LRPPRC: variants seen among roughly 807,000 people sequenced by gnomAD.
LRPPRC encodes the protein leucine-rich PPR motif-containing protein, mitochondrial.
A neutral mutation model predicts 180.3 loss-of-function variants in LRPPRC; 120 were observed. That is an observed-to-expected ratio of 0.67 (90% confidence interval 0.57 to 0.77). The LOEUF is 0.77. Among genes scored for constraint, LRPPRC ranks in the 30% least tolerant of loss-of-function variants. The pLI, the probability that LRPPRC is intolerant of heterozygous loss-of-function variation, is 0.00. For synonymous variants in LRPPRC, 723 were observed against 600.0 expected (o/e 1.21, Z -3.00); for missense variants, 2,012 against 1,657.2 (o/e 1.21, Z -3.72).
At chr2:43,965,712 G>A (rs1474585553) in intron 11 of LRPPRC, among the ~76,000 whole-genome samples, 1 of 152,096 alleles carries the variant, frequency 6.6e-6, no homozygotes, top group African/African-American at 2.4e-5. Flanking sequence ...CAAAGGATCT[G>A]AATACACATT....
chr2:43,911,149 G>GATAT (rs34332260), intron 30 of LRPPRC, among the ~76,000 whole-genome samples: 192 of 146,308 alleles, frequency 1.3e-3, no homozygotes, highest in Admixed American at 2.7e-3. Context: ...GAGTGTTCTA[G>GATAT]ATATATATAT....
chr2:43,937,059 T>C (rs1383623682), intron 23 of LRPPRC, among the ~76,000 whole-genome samples: 2 of 152,144 alleles, frequency 1.3e-5, no homozygotes, highest in Non-Finnish European at 2.9e-5. Context: ...CAAACTAGAA[T>C]AGTATTGTCT....
At chr2:43,994,502 T>C (rs1199652637) in intron 1 of LRPPRC, among the ~76,000 whole-genome samples, 3 of 152,156 alleles carry the variant, frequency 2.0e-5, no homozygotes, top group African/African-American at 4.8e-5. Flanking sequence ...TCCCACCTTA[T>C]AGCTAAGGAA....
chr2:43,889,314 C>CAAAAAAA (rs780032604), intron 37 of LRPPRC, among the ~76,000 whole-genome samples: 19 of 38,328 alleles, frequency 5.0e-4, no homozygotes, highest in South Asian at 1.3e-3. Flanking sequence ...GACTCCATCT[C>CAAAAAAA]AAAAAAAAAA....
chr2:43,894,828 T>C (rs1467794114), intron 35 of LRPPRC, among the ~76,000 whole-genome samples, 199 bp from the exon 36 acceptor site: 1 of 152,218 alleles, frequency 6.6e-6, no homozygotes, highest in East Asian at 1.9e-4. Flanking sequence ...CCAGCATTTT[T>C]CCACAGGTTA....
chr2:43,888,500 TAAAGAA>T lies in LRPPRC; in HGVS notation c.*94_*99del, dbSNP rs1670351131. 2.6e-6 allele frequency: 2 copies of T among 768,614 alleles called. No homozygotes were observed. Among genetic ancestry groups the T allele is most frequent in the African/African-American group, 3.4e-5 (2 of 58,350 alleles). The allele number at this position is 768,614 out of a possible 1,614,324, so 47.6% of individuals were successfully genotyped here. A position where few individuals can be genotyped will look rare whatever the true frequency, so the allele number is the denominator to read the frequency against. ...CATGCATCACACATACATAAGTACA[TAAAGAA>T]AATTTTCATTTATTTTTCCCTCAGA... On this transcript the variant is annotated 3_prime_UTR_variant, in exon 38 of 38. Transcript: ENST00000260665.
At chr2:43,890,378 C>G (rs1213616862) in intron 36 of LRPPRC, 3 of 468,820 alleles carry the variant, frequency 6.4e-6, no homozygotes, top group East Asian at 6.9e-5. Flanking sequence ...GTAAAATAAA[C>G]AAATATGGAA....
At chr2:43,939,184 G>C (rs1279740776) in intron 23 of LRPPRC, among the ~76,000 whole-genome samples, 1 of 151,934 alleles carries the variant, frequency 6.6e-6, no homozygotes, top group Non-Finnish European at 1.5e-5. Context: ...GGGAGGCTGA[G>C]GCAGGAGAAT....
chr2:43,893,571 T>C (rs181119202), intron 36 of LRPPRC, among the ~76,000 whole-genome samples: 55 of 152,354 alleles, frequency 3.6e-4, no homozygotes, highest in Non-Finnish European at 2.9e-5. Flanking sequence ...AGGTATGTAC[T>C]TTTTAAAAAC....
chr2:43,987,061 T>C (rs1320730037), intron 1 of LRPPRC, among the ~76,000 whole-genome samples: 2 of 152,212 alleles, frequency 1.3e-5, no homozygotes. Context: ...TCACGTGGAT[T>C]GATTTTCAAA....
intron 5 of LRPPRC, among the ~76,000 whole-genome samples, 167 bp downstream of exon 5, chr2:43,976,827 G>A (rs187116025): frequency 1.3e-5 from 2 of 151,324 alleles, no homozygotes; most frequent in East Asian, 1.9e-4. Context: ...TCTCTTACAC[G>A]ATAATTTTAT....
chr2:43,932,952 G>A (rs549812609), intron 25 of LRPPRC, among the ~76,000 whole-genome samples: 1 of 152,254 alleles, frequency 6.6e-6, no homozygotes, highest in Non-Finnish European at 1.5e-5. Flanking sequence ...GCTCTGATCA[G>A]TGACCTGCTA....
intron 29 of LRPPRC, among the ~76,000 whole-genome samples, chr2:43,915,457 G>A (rs544101444): frequency 6.6e-5 from 10 of 152,124 alleles, no homozygotes; most frequent in Admixed American, 2.0e-4. Context: ...AGGCCAAGGC[G>A]GGCAGATCAC....
chr2:43,934,317 T>A (rs760898068), intron 24 of LRPPRC, 21 bp from the exon 25 acceptor site: 8 of 1,188,450 alleles, frequency 6.7e-6, no homozygotes, highest in Admixed American at 3.4e-5. Context: ...GAGAAAAAAA[T>A]ATATATATTA....
chr2:43,949,521 C>G lies in LRPPRC; in HGVS notation c.1735+81G>C. ...TCCACTTTAAAAAATAAAGTATTTA[C>G]TGCTGTAATCCTCCTAACCCATCAT... On this transcript the variant is annotated intron_variant, in intron 16 of 37. Coordinates refer to ENST00000260665, the MANE Select transcript of LRPPRC (RefSeq NM_133259.4). The G allele has an allele frequency of 7.3e-6, 7 of 964,150 alleles. No individual in the cohort carries two copies. In the Admixed American group the frequency reaches 1.1e-4, roughly 15 times the overall value. The allele number at this position is 964,150 out of a possible 1,614,324, so 59.7% of individuals were successfully genotyped here. A position where few individuals can be genotyped will look rare whatever the true frequency, so the allele number is the denominator to read the frequency against.
intron 1 of LRPPRC, among the ~76,000 whole-genome samples, chr2:43,986,499 T>C (rs944616440): frequency 3.3e-5 from 5 of 152,212 alleles, no homozygotes; most frequent in East Asian, 1.9e-4. Context: ...CAGTTTAGTG[T>C]CACTTTAGAG....
At chr2:43,988,531 C>G (rs1485988960) in intron 1 of LRPPRC, among the ~76,000 whole-genome samples, 1 of 151,918 alleles carries the variant, frequency 6.6e-6, no homozygotes, top group Admixed American at 6.6e-5. Flanking sequence ...AGCGAAACTC[C>G]GTCTAACAAG....
At chr2:43,893,324 A>G (rs1176558732) in intron 36 of LRPPRC, among the ~76,000 whole-genome samples, 1 of 152,226 alleles carries the variant, frequency 6.6e-6, no homozygotes, top group Non-Finnish European at 1.5e-5. Flanking sequence ...AAGACATTCA[A>G]TTGCAGATAA....
In LRPPRC at chr2:43,948,110, T is replaced by C; in HGVS notation, c.1920+12A>G. On this transcript the variant is annotated intron_variant, in intron 18 of 37. Transcript: ENST00000260665. ...AAGCATTTTATCCAGTTGATTGCTA[T>C]TTCACACACACCTTAATCAATTCAG... is the stretch of plus-strand genomic sequence containing the variant. 1 of 1,520,824 alleles carries C rather than the reference T, an allele frequency of 6.6e-7. No individual in the cohort carries two copies. The highest frequency in any genetic ancestry group is 9.1e-7 in the Non-Finnish European group (1 of 1,095,904). 94.2% of individuals were successfully genotyped at this position (1,520,824 alleles called of 1,614,324 possible).
Sources: allele counts gnomAD v4.1 joint callset (sites outside exome capture counted in the v4.1 genomes callset), GRCh38; gene constraint gnomAD v4.1.1; transcripts MANE v1.5; gene names NCBI Gene and HGNC (gene_info 2026-07-23, HGNC 2026-07-21).